Variants in RFX4 observed in about 807,000 individuals in gnomAD.
The protein encoded by RFX4 is transcription factor RFX4.
In RFX4, 10 loss-of-function variants were observed where a neutral mutation model predicts 95.0. The ratio of observed to expected loss-of-function variants is 0.11; its 90% CI spans 0.06 to 0.18. RFX4 has a LOEUF of 0.18. RFX4 is among the 10% of genes least tolerant of loss of function. RFX4 has a pLI of 1.00. For synonymous variants in RFX4, 321 were observed against 340.7 expected (o/e 0.94, Z 0.64); for missense variants, 640 against 922.0 (o/e 0.69, Z 3.96).
chr12:106,675,829 C>T (rs949854049), intron 4 of RFX4, among the ~76,000 whole-genome samples: 1 of 152,112 alleles, frequency 6.6e-6, no homozygotes, highest in Admixed American at 6.6e-5. Context: ...ACAGTGTGTT[C>T]ATGAAACTTG....
intron 4 of RFX4, among the ~76,000 whole-genome samples, chr12:106,673,750 C>T (rs1300866109): frequency 1.3e-5 from 2 of 152,164 alleles, no homozygotes; most frequent in Non-Finnish European, 2.9e-5. Flanking sequence ...GCATTATTTG[C>T]ATTAACACAA....
chr12:106,590,284 T>C (rs565597052), intron 1 of RFX4, among the ~76,000 whole-genome samples: 184 of 152,358 alleles, frequency 1.2e-3, no homozygotes, highest in African/African-American at 4.2e-3. Context: ...ATGAAAGTGG[T>C]AATAGTTAAC....
chr12:106,685,434 A>G (rs1220074891), intron 5 of RFX4, among the ~76,000 whole-genome samples: 3 of 152,258 alleles, frequency 2.0e-5, no homozygotes, highest in African/African-American at 7.2e-5. Context: ...AATGGGGATA[A>G]TAATTAATTC....
chr12:106,599,114 A>C (rs1047030184), intron 1 of RFX4, among the ~76,000 whole-genome samples: 3 of 150,752 alleles, frequency 2.0e-5, no homozygotes, highest in African/African-American at 7.3e-5. Context: ...TGGTGAGTTC[A>C]TGATCTCTGA....
In RFX4 at chr12:106,718,184, C is replaced by T. The variant is rs147533066; in HGVS notation, c.1139-1776C>T. Among the ~76,000 whole-genome samples the T allele has an allele frequency of 6.4e-3, 976 of 152,178 alleles. 3 individuals carry two copies. The highest frequency in any genetic ancestry group is 1.0e-2 in the Non-Finnish European group (678 of 68,020). On this transcript the variant is annotated intron_variant, in intron 11 of 17. Transcript: ENST00000392842. ...CCAACAGACCTTGGTTCAAACCTTGCTCTTACACAGCTCTTACACAGCATG... is the reference window on the plus strand; with the variant it reads ...CCAACAGACCTTGGTTCAAACCTTGTTCTTACACAGCTCTTACACAGCATG...
At chr12:106,618,937 G>C (rs979820385) in intron 2 of RFX4, among the ~76,000 whole-genome samples, 1 of 151,964 alleles carries the variant, frequency 6.6e-6, no homozygotes, top group East Asian at 1.9e-4. Flanking sequence ...ATTACAATAT[G>C]CATTTTTGCA....
In RFX4 at chr12:106,586,685, G is replaced by A. The variant is rs1419593722; in HGVS notation, c.43+3322G>A. Among the ~76,000 whole-genome samples the A allele has an allele frequency of 6.6e-6, 1 of 152,150 alleles. No homozygotes were observed. Among genetic ancestry groups the A allele is most frequent in the Non-Finnish European group, 1.5e-5 (1 of 68,014 alleles). On this transcript the variant is annotated intron_variant, in intron 1 of 17. Transcript: ENST00000392842. The surrounding 1 kb of genome is among the most constrained non-coding windows in gnomAD (Gnocchi z 5.6). ...TTCCCCGGGCCGCATCGGTGGGAGG[G>A]CACGCTAGTTTACAGGCCCCCAGCT...
At chr12:106,742,651 T>A (rs2042826655) in intron 15 of RFX4, among the ~76,000 whole-genome samples, 1 of 152,186 alleles carries the variant, frequency 6.6e-6, no homozygotes, top group African/African-American at 2.4e-5. Context: ...TCTGCATTTT[T>A]AACAAGATCT....
At chr12:106,645,093 A>T (rs559780130) in intron 3 of RFX4, among the ~76,000 whole-genome samples, 1 of 152,258 alleles carries the variant, frequency 6.6e-6, no homozygotes, top group South Asian at 2.1e-4. Flanking sequence ...ACAGCAGCCA[A>T]GCAGCCTAAA....
At chr12:106,735,176 T>G (rs569353353) in intron 15 of RFX4, among the ~76,000 whole-genome samples, 103 of 152,170 alleles carry the variant, frequency 6.8e-4, no homozygotes, top group Non-Finnish European at 1.2e-3. Flanking sequence ...ATAGGTTGAA[T>G]ATTAGAAAAT....
intron 4 of RFX4, among the ~76,000 whole-genome samples, chr12:106,659,209 A>C (rs954100318): frequency 6.6e-6 from 1 of 151,996 alleles, no homozygotes; most frequent in Non-Finnish European, 1.5e-5. Flanking sequence ...TCCACTTCAA[A>C]ACTCCTCCCT....
intron 8 of RFX4, among the ~76,000 whole-genome samples, chr12:106,700,535 TAGC>T (rs2041967622): frequency 6.7e-6 from 1 of 150,094 alleles, no homozygotes; most frequent in African/African-American, 2.5e-5. Context: ...GCCTCCCGAG[TAGC>T]TGGGACTACA....
intron 9 of RFX4, among the ~76,000 whole-genome samples, chr12:106,711,251 T>C (rs1212174702): frequency 6.6e-6 from 1 of 152,150 alleles, no homozygotes; most frequent in African/African-American, 2.4e-5. Flanking sequence ...AATGTCACCA[T>C]TAGGAAGTAG....
rs747708324 is a variant in RFX4 at position 106,610,903 on chromosome 12, T to C, written c.130+2020T>C. ...TGAGAAACCACAAAACTGGTTTTCA[T>C]AGTGGCTGCGTCATTTTACATTCCC... On this transcript the variant is annotated intron_variant, in intron 2 of 17. Coordinates refer to ENST00000392842, the MANE Select transcript of RFX4 (RefSeq NM_213594.3). 3.3e-5 allele frequency among the ~76,000 whole-genome samples: 5 copies of C among 152,218 alleles called. No individual in the cohort carries two copies. The East Asian group carries it at 9.6e-4, about 29-fold the overall frequency.
chr12:106,630,741 A>T (rs1385125319), intron 2 of RFX4, among the ~76,000 whole-genome samples: 1 of 152,256 alleles, frequency 6.6e-6, no homozygotes, highest in Non-Finnish European at 1.5e-5. Flanking sequence ...TAATTTAGAA[A>T]TGTGTTTCCT....
In RFX4 at chr12:106,601,188, G is replaced by C. The variant is rs2039698656; in HGVS notation, c.44-7609G>C. On this transcript the variant is annotated intron_variant, in intron 1 of 17. Transcript: ENST00000392842. Reference sequence around the variant, plus strand: ...GCCACCCCCTGGAGAGGCCACAGCTGCTGGCTTCCTGGGCTTCTCCAAACT... The same window carrying C: ...GCCACCCCCTGGAGAGGCCACAGCTCCTGGCTTCCTGGGCTTCTCCAAACT... 5 of 1,529,044 alleles carry C rather than the reference G, an allele frequency of 3.3e-6. No homozygotes were observed. The Admixed American group carries it at 6.0e-5, about 18-fold the overall frequency. The allele number at this position is 1,529,044 out of a possible 1,614,324, so 94.7% of individuals were successfully genotyped here. A position where few individuals can be genotyped will look rare whatever the true frequency, so the allele number is the denominator to read the frequency against.
chr12:106,603,055 C>T (rs1405293766), intron 1 of RFX4, among the ~76,000 whole-genome samples: 1 of 152,126 alleles, frequency 6.6e-6, no homozygotes, highest in Non-Finnish European at 1.5e-5. Flanking sequence ...TTGTTCATCC[C>T]CTCTGTTTGA....
In RFX4 at chr12:106,706,596, A is replaced by G. The variant is rs112025988; in HGVS notation, c.834-2734A>G. Among the ~76,000 whole-genome samples, 1,484 of 152,340 alleles carry G rather than the reference A, an allele frequency of 9.7e-3. 10 individuals carry two copies. The highest frequency in any genetic ancestry group is 0.02 in the Middle Eastern group (6 of 294). ...AAAGAAATTGTAACTGAATTAATCA[A>G]GTCTTTAGAAGCAGACAGGATAGAT... On this transcript the variant is annotated intron_variant, in intron 8 of 17. Transcript: ENST00000392842.
At chr12:106,654,446 T>G in intron 4 of RFX4, 95 bp downstream of exon 4, 1 of 1,408,514 alleles carries the variant, frequency 7.1e-7, no homozygotes, top group Non-Finnish European at 9.4e-7. Context: ...TTTTTTAAGT[T>G]ATCAAAGTAC....
Sources: allele counts gnomAD v4.1 joint callset (sites outside exome capture counted in the v4.1 genomes callset), GRCh38; gene constraint gnomAD v4.1.1; non-coding constraint Gnocchi (gnomAD v3.1); transcripts MANE v1.5; gene names NCBI Gene and HGNC (gene_info 2026-07-23, HGNC 2026-07-21).